AFF2: variants seen among roughly 807,000 people sequenced by gnomAD.
The protein encoded by AFF2 is ALF transcription elongation factor 2.
A neutral mutation model predicts 76.9 loss-of-function variants in AFF2; 14 were observed. That is an observed-to-expected ratio of 0.18 (90% CI 0.12 to 0.28). The LOEUF is 0.28. Ranked by LOEUF, AFF2 falls within the 10% of genes least tolerant of loss-of-function variation. The pLI is 1.00. For synonymous variants in AFF2, 398 were observed against 366.7 expected (o/e 1.09, Z -0.98); for missense variants, 868 against 1,001.1 (o/e 0.87, Z 1.79).
intron 15 of AFF2, 129 bp downstream of exon 15, chrX:148,967,821 C>G: frequency 1.9e-6 from 1 of 521,899 alleles, no homozygotes; most frequent in Non-Finnish European, 3.1e-6. Context: ...ACATTGCTGC[C>G]CTGACATAGG....
At chrX:148,785,527 CTG>C (rs781818018) in intron 3 of AFF2, among the ~76,000 whole-genome samples, 29 of 111,973 alleles carry the variant, frequency 2.6e-4, no homozygotes, top group Admixed American at 3.8e-4. Flanking sequence ...TGTCTGAAAA[CTG>C]GTGAAGTAGC....
intron 4 of AFF2, among the ~76,000 whole-genome samples, chrX:148,826,250 A>T (rs954071477): frequency 1.9e-5 from 2 of 103,084 alleles, no homozygotes; most frequent in Admixed American, 2.1e-4. Context: ...GGTGGGGGTA[A>T]TTGGAATGCA....
At chrX:148,619,319 T>C (rs1557250924) in intron 1 of AFF2, among the ~76,000 whole-genome samples, 2 of 111,199 alleles carry the variant, frequency 1.8e-5, no homozygotes, top group East Asian at 2.9e-4. Flanking sequence ...TGTGTGGGAG[T>C]GCAGTCTGAC....
chrX:148,812,094 C>A (rs1200491398), intron 4 of AFF2, among the ~76,000 whole-genome samples: 1 of 110,778 alleles, frequency 9.0e-6, no homozygotes, highest in Non-Finnish European at 1.9e-5. Flanking sequence ...AATTTGCGTC[C>A]CCAATTTTAT....
At chrX:148,783,950 A>G (rs1168819199) in intron 3 of AFF2, among the ~76,000 whole-genome samples, 3 of 111,699 alleles carry the variant, frequency 2.7e-5, no homozygotes, top group East Asian at 5.6e-4. Context: ...GGGTCTCTCC[A>G]TGTGTTTGCA....
intron 3 of AFF2, among the ~76,000 whole-genome samples, chrX:148,785,134 CACA>C (rs1557269400): frequency 8.9e-6 from 1 of 112,314 alleles, no homozygotes; most frequent in African/African-American, 3.2e-5. Context: ...CATGCGCATG[CACA>C]TATACACAGA....
intron 15 of AFF2, among the ~76,000 whole-genome samples, chrX:148,968,671 C>CATCT (rs782277735): frequency 8.9e-6 from 1 of 112,428 alleles, no homozygotes; most frequent in East Asian, 2.8e-4. Context: ...ATGGTCCTTA[C>CATCT]ATCTGCCTTT....
intron 3 of AFF2, among the ~76,000 whole-genome samples, chrX:148,784,937 A>G (rs1000878664): frequency 8.9e-6 from 1 of 111,771 alleles, no homozygotes; most frequent in Non-Finnish European, 1.9e-5. Flanking sequence ...ACAAAGCCAT[A>G]GGCCATCAGT....
Position 148,985,285 on chromosome X carries a change from C to CTTTTTTTTTTTT in AFF2, c.3624-2059_3624-2048dup, listed in dbSNP as rs151339705. Among the ~76,000 whole-genome samples the CTTTTTTTTTTTT allele has an allele frequency of 2.0e-3, 31 of 15,384 alleles. 11 individuals carry two copies. The highest frequency in any genetic ancestry group is 2.9e-3 in the African/African-American group (14 of 4,889). The allele number at this position is 15,384 out of a possible 115,157, so 13.4% of individuals were successfully genotyped here. On this transcript the variant is annotated intron_variant, in intron 19 of 20. Coordinates refer to ENST00000370460, the MANE Select transcript of AFF2 (RefSeq NM_002025.4). ...ACAGGCATGAGCCCCTGTGCCTGGC[C>CTTTTTTTTTTTT]TTTTTTTTTTTTTTTTTTTTTTTTT...
chrX:148,613,611 G>C (rs1459824136), intron 1 of AFF2, among the ~76,000 whole-genome samples: 1 of 110,996 alleles, frequency 9.0e-6, no homozygotes, highest in African/African-American at 3.3e-5. Flanking sequence ...CAAAATGTTC[G>C]GGCTTGGAAT....
At chrX:148,722,379 G>C (rs1413181395) in intron 3 of AFF2, among the ~76,000 whole-genome samples, 2 of 111,036 alleles carry the variant, frequency 1.8e-5, no homozygotes, top group Non-Finnish European at 3.8e-5. Flanking sequence ...GGGTTGCACT[G>C]GCTCTTTTTT....
At chrX:148,926,332 C>T (rs1401689927) in intron 9 of AFF2, among the ~76,000 whole-genome samples, 2 of 111,857 alleles carry the variant, frequency 1.8e-5, no homozygotes, top group African/African-American at 6.5e-5. Context: ...TTGCCAAGAG[C>T]GACCTAAACA....
At chrX:148,507,106 T>C (rs147851296) in intron 1 of AFF2, among the ~76,000 whole-genome samples, 1,644 of 112,443 alleles carry the variant, frequency 0.015, 49 homozygotes, top group African/African-American at 0.051. Context: ...ACTCAAAGAC[T>C]GTTCCATGCA....
intron 1 of AFF2, among the ~76,000 whole-genome samples, chrX:148,644,593 A>G (rs1180084997): frequency 8.9e-6 from 1 of 112,303 alleles, no homozygotes; most frequent in Non-Finnish European, 1.9e-5. Flanking sequence ...TATTCTTGTA[A>G]TAACTGCTTT....
At chrX:148,770,095 G>A (rs1356134999) in intron 3 of AFF2, among the ~76,000 whole-genome samples, 12 of 111,399 alleles carry the variant, frequency 1.1e-4, no homozygotes, top group African/African-American at 3.9e-4. Context: ...ATGTGTGATG[G>A]GGGAAAAACT....
intron 3 of AFF2, among the ~76,000 whole-genome samples, chrX:148,756,544 A>T (rs781872170): frequency 5.3e-5 from 6 of 112,836 alleles, no homozygotes; most frequent in South Asian, 7.2e-4. Flanking sequence ...AAAGAAGACA[A>T]TTCAAGAATT....
At chrX:148,710,801 C>A (rs1280052142) in intron 3 of AFF2, among the ~76,000 whole-genome samples, 1 of 111,020 alleles carries the variant, frequency 9.0e-6, no homozygotes, top group Non-Finnish European at 1.9e-5. Context: ...ATGTCATAGC[C>A]CTTGGAGGCA....
At chrX:148,895,428 C>A (rs2071271881) in intron 8 of AFF2, among the ~76,000 whole-genome samples, 1 of 110,955 alleles carries the variant, frequency 9.0e-6, no homozygotes, top group South Asian at 3.8e-4. Context: ...TAAGTGACAC[C>A]CACCCACCAC....
At chrX:148,855,433 T>C (rs1411018563) in intron 7 of AFF2, among the ~76,000 whole-genome samples, 7 of 111,442 alleles carry the variant, frequency 6.3e-5, no homozygotes, top group African/African-American at 2.3e-4. Context: ...AGGGGTGGTA[T>C]CCACTCCCCT....
Sources: allele counts gnomAD v4.1 joint callset (sites outside exome capture counted in the v4.1 genomes callset), GRCh38; gene constraint gnomAD v4.1.1; transcripts MANE v1.5; gene names NCBI Gene and HGNC (gene_info 2026-07-23, HGNC 2026-07-21).